Variants in RALGPS1 observed in about 807,000 individuals in gnomAD.
The protein encoded by RALGPS1 is Ral GEF with PH domain and SH3 binding motif 1, also known as ras-specific guanine nucleotide-releasing factor RalGPS1.
In RALGPS1, 19 loss-of-function variants were observed where a neutral mutation model predicts 78.8. That is an observed-to-expected ratio of 0.24 (90% CI 0.17 to 0.35). RALGPS1 has a LOEUF of 0.35. RALGPS1 is among the 10% of genes least tolerant of loss of function. RALGPS1 has a pLI of 1.00. For synonymous variants in RALGPS1, 228 were observed against 256.3 expected (o/e 0.89, Z 1.06); for missense variants, 454 against 688.3 (o/e 0.66, Z 3.81).
rs917548616 is a variant in RALGPS1, at chr9:127,211,574, G to T, written c.1248-557G>T. ...TCAGGAGGGAGGTGTGGGCTGCCAT[G>T]CCCTTGGACGCCTTCATCTGTAGGT... On this transcript the variant is annotated intron_variant, in intron 14 of 18. Coordinates refer to ENST00000259351, the MANE Select transcript of RALGPS1 (RefSeq NM_014636.3). The surrounding 1 kb of genome is among the most constrained non-coding windows in gnomAD (Gnocchi z 5.0). Among the ~76,000 whole-genome samples, 5 of 152,142 alleles carry T rather than the reference G, an allele frequency of 3.3e-5. No individual in the cohort carries two copies. The highest frequency in any genetic ancestry group is 1.2e-4 in the African/African-American group (5 of 41,422).
chr9:127,169,093 A>G (rs1328691803), intron 10 of RALGPS1, among the ~76,000 whole-genome samples: 1 of 152,186 alleles, frequency 6.6e-6, no homozygotes, highest in African/African-American at 2.4e-5. Context: ...CGTGGATAAT[A>G]TGAACTTGGA....
rs765598104 is a variant in RALGPS1 at position 127,218,779 on chromosome 9, G to T, written c.*10G>T. On this transcript the variant is annotated 3_prime_UTR_variant, in exon 19 of 19. Transcript: ENST00000259351. The surrounding 1 kb of genome is among the most constrained non-coding windows in gnomAD (Gnocchi z 4.4). Reference sequence around the variant, plus strand: ...TATGTCATTTGAGTAAGTCTCTGCAGGACGTGGCATGACTTCAGAGGCTTC... The same window carrying T: ...TATGTCATTTGAGTAAGTCTCTGCATGACGTGGCATGACTTCAGAGGCTTC... 1.9e-6 allele frequency: 3 copies of T among 1,613,712 alleles called. No homozygotes were observed. The highest frequency in any genetic ancestry group is 1.7e-4 in the Middle Eastern group (1 of 6,060).
intron 4 of RALGPS1, among the ~76,000 whole-genome samples, chr9:126,998,083 G>A (rs2042941920): frequency 6.6e-6 from 1 of 152,118 alleles, no homozygotes; most frequent in Non-Finnish European, 1.5e-5. Flanking sequence ...GAAAACCTAG[G>A]CAATACCATT....
Position 127,064,595 on chromosome 9 carries a change from A to T in RALGPS1, c.484-4635A>T, listed in dbSNP as rs148666579. Among the ~76,000 whole-genome samples, 709 of 152,298 alleles carry T rather than the reference A, an allele frequency of 4.7e-3. 8 individuals carry two copies. Among genetic ancestry groups the T allele is most frequent in the African/African-American group, 0.016 (666 of 41,564 alleles). On this transcript the variant is annotated intron_variant, in intron 7 of 18. Transcript: ENST00000259351. Reference sequence around the variant, plus strand: ...CTTCTTCTAGTAGTTTCTGCCATATACTTACCAATGTGCTTTTGCTACAGT... The same window carrying T: ...CTTCTTCTAGTAGTTTCTGCCATATTCTTACCAATGTGCTTTTGCTACAGT...
At chr9:127,057,607 G>A (rs2048851185) in intron 7 of RALGPS1, among the ~76,000 whole-genome samples, 1 of 152,188 alleles carries the variant, frequency 6.6e-6, no homozygotes. Context: ...ATGCAGATGG[G>A]TAATGATTTA....
At chr9:126,931,318 G>A (rs572741973) in intron 1 of RALGPS1, among the ~76,000 whole-genome samples, 5 of 152,074 alleles carry the variant, frequency 3.3e-5, no homozygotes, top group South Asian at 4.1e-4. Context: ...GACTGCTAGC[G>A]GGCAGCCTCA....
chr9:127,204,839 C>T (rs1426004383), intron 14 of RALGPS1, among the ~76,000 whole-genome samples: 1 of 152,218 alleles, frequency 6.6e-6, no homozygotes, highest in Non-Finnish European at 1.5e-5. Context: ...TTTTAAAAGA[C>T]ACTTGTTTCC....
chr9:126,948,460 G>T (rs541156734), intron 1 of RALGPS1, among the ~76,000 whole-genome samples: 21 of 152,320 alleles, frequency 1.4e-4, no homozygotes, highest in African/African-American at 5.1e-4. Flanking sequence ...GGCAGAGGTT[G>T]CAGTGAGCTG....
intron 4 of RALGPS1, among the ~76,000 whole-genome samples, chr9:127,028,946 C>T (rs1268548394): frequency 6.6e-6 from 1 of 152,034 alleles, no homozygotes; most frequent in South Asian, 2.1e-4. Context: ...GAGCTCACTC[C>T]TGAGACCAGA....
chr9:127,178,454 C>T (rs1262223367), intron 11 of RALGPS1: 10 of 1,014,348 alleles, frequency 9.9e-6, no homozygotes, highest in East Asian at 8.9e-5. Context: ...TAGCACAGTG[C>T]GCAACATAGA....
At position 126,924,054 on chromosome 9, in the gene RALGPS1, T is replaced by G. The variant is rs947929576; in HGVS notation, c.-66+9079T>G. ...CAATCATTGAGTCTACTCTTTCCAC[T>G]TTCCAGATGAGGATGGAGGCTTTGT... is the stretch of plus-strand genomic sequence containing the variant. On this transcript the variant is annotated intron_variant, in intron 1 of 18. Transcript: ENST00000259351. Among the ~76,000 whole-genome samples the G allele has an allele frequency of 5.3e-5, 8 of 152,210 alleles. No homozygotes were observed. The South Asian group carries it at 8.3e-4, about 16-fold the overall frequency.
intron 4 of RALGPS1, among the ~76,000 whole-genome samples, chr9:127,032,814 AC>A (rs1389880559): frequency 1.3e-5 from 2 of 152,076 alleles, no homozygotes; most frequent in Non-Finnish European, 2.9e-5. Context: ...ACACAGTGAG[AC>A]CCCCATCTCT....
At chr9:127,116,966 TGCCTTTG>T (rs2055496259) in intron 8 of RALGPS1, among the ~76,000 whole-genome samples, 1 of 152,194 alleles carries the variant, frequency 6.6e-6, no homozygotes, top group Non-Finnish European at 1.5e-5. Flanking sequence ...TTGGCCTCCC[TGCCTTTG>T]GGTGCTCTCT....
At chr9:127,014,195 G>T (rs1462159515) in intron 4 of RALGPS1, among the ~76,000 whole-genome samples, 3 of 152,152 alleles carry the variant, frequency 2.0e-5, no homozygotes, top group Non-Finnish European at 4.4e-5. Context: ...TAAAAAAGGG[G>T]TTTCACACCA....
intron 13 of RALGPS1, 123 bp downstream of exon 13, chr9:127,196,754 C>T (rs907476018): frequency 4.3e-6 from 5 of 1,173,996 alleles, no homozygotes; most frequent in African/African-American, 1.5e-5. Flanking sequence ...ACCCAGTGGC[C>T]CCTCACCTCC....
chr9:126,930,996 G>A (rs2035738504), intron 1 of RALGPS1, among the ~76,000 whole-genome samples: 1 of 152,204 alleles, frequency 6.6e-6, no homozygotes, highest in Non-Finnish European at 1.5e-5. Context: ...ACATAAACAA[G>A]GTAGAAGTTT....
At chr9:127,201,623 T>G (rs1180700072) in intron 14 of RALGPS1, among the ~76,000 whole-genome samples, 1 of 152,196 alleles carries the variant, frequency 6.6e-6, no homozygotes, top group Non-Finnish European at 1.5e-5. Flanking sequence ...TGTGGCTCTC[T>G]TCTTTCAGTT....
intron 13 of RALGPS1, among the ~76,000 whole-genome samples, 156 bp downstream of exon 13, chr9:127,196,787 G>A (rs1172803316): frequency 1.3e-5 from 2 of 152,254 alleles, no homozygotes; most frequent in Non-Finnish European, 2.9e-5. Flanking sequence ...CTGCCTGCAG[G>A]AATCGCCCAG....
chr9:127,199,126 G>T, intron 14 of RALGPS1, 60 bp downstream of exon 14: 2 of 1,520,378 alleles, frequency 1.3e-6, no homozygotes, highest in Non-Finnish European at 1.8e-6. Flanking sequence ...TGAGGGAGCC[G>T]AAGACAGGCC....
Sources: allele counts gnomAD v4.1 joint callset (sites outside exome capture counted in the v4.1 genomes callset), GRCh38; gene constraint gnomAD v4.1.1; non-coding constraint Gnocchi (gnomAD v3.1); transcripts MANE v1.5; gene names NCBI Gene and HGNC (gene_info 2026-07-23, HGNC 2026-07-21).